Variants in MCTP2 observed in about 807,000 individuals in gnomAD.
MCTP2 encodes multiple C2 and transmembrane domain-containing protein 2.
In MCTP2, 132 loss-of-function variants were observed where a neutral mutation model predicts 111.6. The observed-to-expected ratio is 1.18, with a 90% CI of 1.03 to 1.37. The LOEUF (loss-of-function observed/expected upper bound fraction) is 1.37, where lower values mean the gene tolerates loss of function less well. Among genes scored for constraint, MCTP2 ranks in the 40% most tolerant of loss-of-function variants. MCTP2 has a pLI of 0.00. For synonymous variants in MCTP2, 395 were observed against 387.7 expected, an observed-to-expected ratio of 1.02 and a Z score of -0.22; for missense variants, 1,183 against 1,067.9, an observed-to-expected ratio of 1.11 and a Z score of -1.50.
chr15:94,312,603 TGAAC>T (rs1258584509), intron 2 of MCTP2, among the ~76,000 whole-genome samples: 1 of 152,202 alleles, frequency 6.6e-6, no homozygotes, highest in Admixed American at 6.5e-5. Flanking sequence ...TAACCTGAAC[TGAAC>T]ACAGTGTATT....
At chr15:94,407,214 T>G (rs1033138419) in intron 17 of MCTP2, among the ~76,000 whole-genome samples, 2 of 152,224 alleles carry the variant, frequency 1.3e-5, no homozygotes, top group African/African-American at 2.4e-5. Context: ...ATTTTTCATA[T>G]GTTAAAATAT....
At chr15:94,288,835 T>G (rs970193570) in intron 1 of MCTP2, among the ~76,000 whole-genome samples, 2 of 152,078 alleles carry the variant, frequency 1.3e-5, no homozygotes, top group African/African-American at 4.8e-5. Flanking sequence ...AAACCAGAAC[T>G]GAAAAATACA....
At chr15:94,288,755 G>A (rs2074886397) in intron 1 of MCTP2, among the ~76,000 whole-genome samples, 1 of 152,160 alleles carries the variant, frequency 6.6e-6, no homozygotes, top group African/African-American at 2.4e-5. Flanking sequence ...ATGCTCAAAT[G>A]AATAATCATG....
At chr15:94,236,894 C>A (rs544883621) in intron 1 of MCTP2, among the ~76,000 whole-genome samples, 2 of 151,982 alleles carry the variant, frequency 1.3e-5, no homozygotes, top group African/African-American at 4.8e-5. Context: ...AGTGGAGGTG[C>A]GGCAGGATTT....
At chr15:94,268,473 T>C (rs1225008610) in intron 1 of MCTP2, among the ~76,000 whole-genome samples, 1 of 152,134 alleles carries the variant, frequency 6.6e-6, no homozygotes, top group East Asian at 1.9e-4. Flanking sequence ...ACTACAGGCA[T>C]GAGCCACCGC....
At chr15:94,466,112 CTT>C (rs371504111) in intron 20 of MCTP2, among the ~76,000 whole-genome samples, 110 of 152,176 alleles carry the variant, frequency 7.2e-4, no homozygotes, top group African/African-American at 2.4e-3. Context: ...ATCAATTTTT[CTT>C]GTTTTTCATT....
intron 1 of MCTP2, chr15:94,273,735 A>G (rs2074036724): frequency 5.7e-6 from 1 of 176,592 alleles, no homozygotes; most frequent in South Asian, 1.4e-4. Context: ...GTCAAGGTGT[A>G]TCCATCATTT....
At chr15:94,321,281 A>G (rs561467498) in intron 4 of MCTP2, among the ~76,000 whole-genome samples, 1 of 152,346 alleles carries the variant, frequency 6.6e-6, no homozygotes, top group African/African-American at 2.4e-5. Flanking sequence ...TTTATTGTAT[A>G]TTTCAAAATA....
At chr15:94,378,560 C>T (rs1001336234) in intron 12 of MCTP2, among the ~76,000 whole-genome samples, 2 of 152,150 alleles carry the variant, frequency 1.3e-5, no homozygotes, top group African/African-American at 4.8e-5. Context: ...AGGAAACTTT[C>T]TTATGTCACT....
intron 20 of MCTP2, among the ~76,000 whole-genome samples, chr15:94,462,437 A>G (rs72751352): frequency 2.2e-4 from 34 of 152,328 alleles, no homozygotes; most frequent in Non-Finnish European, 4.4e-4. Context: ...TTGTTTTACA[A>G]AGTGTCTTGT....
intron 1 of MCTP2, among the ~76,000 whole-genome samples, chr15:94,277,001 C>T (rs187685662): frequency 2.6e-4 from 39 of 150,200 alleles, no homozygotes; most frequent in Non-Finnish European, 5.6e-4. Context: ...CAAAACTGTC[C>T]TCATTTGAAA....
intron 1 of MCTP2, among the ~76,000 whole-genome samples, chr15:94,244,066 G>C (rs2071447445): frequency 1.4e-5 from 2 of 145,294 alleles, no homozygotes; most frequent in Non-Finnish European, 3.0e-5. Context: ...ACATACATAT[G>C]TGTATATATT....
chr15:94,245,334 G>T (rs1241089173), intron 1 of MCTP2, among the ~76,000 whole-genome samples: 1 of 137,472 alleles, frequency 7.3e-6, no homozygotes, highest in Admixed American at 7.6e-5. Flanking sequence ...ACATACATAT[G>T]TGTAGATATT....
At chr15:94,271,514 T>C (rs1278733259) in intron 1 of MCTP2, among the ~76,000 whole-genome samples, 1 of 152,164 alleles carries the variant, frequency 6.6e-6, no homozygotes, top group Non-Finnish European at 1.5e-5. Context: ...GTGTAATTGC[T>C]CTTTGGATAG....
At chr15:94,349,747 G>C (rs2078197290) in intron 8 of MCTP2, among the ~76,000 whole-genome samples, 1 of 150,846 alleles carries the variant, frequency 6.6e-6, no homozygotes, top group Non-Finnish European at 1.5e-5. Context: ...GTGAACCTGG[G>C]AGGTGGAGCT....
intron 8 of MCTP2, among the ~76,000 whole-genome samples, chr15:94,354,013 TATA>T (rs55699358): frequency 0.45 from 67,256 of 150,378 alleles, 15,185 homozygotes; most frequent in Admixed American, 0.5. Context: ...TATTTTTATA[TATA>T]ATAATAACAA....
At chr15:94,407,324 C>T (rs555285986) in intron 17 of MCTP2, among the ~76,000 whole-genome samples, 8 of 152,086 alleles carry the variant, frequency 5.3e-5, no homozygotes, top group Non-Finnish European at 1.0e-4. Context: ...ATTTTTCCAC[C>T]GATATTTCAG....
At chr15:94,311,075 A>G (rs2076113470) in intron 2 of MCTP2, among the ~76,000 whole-genome samples, 1 of 138,128 alleles carries the variant, frequency 7.2e-6, no homozygotes, top group Admixed American at 7.7e-5. Flanking sequence ...CCCAGCCTGG[A>G]GTACAGTGAT....
intron 20 of MCTP2, among the ~76,000 whole-genome samples, chr15:94,464,257 TTATA>T (rs1555481313): frequency 0.047 from 2,093 of 44,772 alleles, 231 homozygotes; most frequent in African/African-American, 0.099. Context: ...TATATATATA[TTATA>T]TATATATATA....
Sources: gnomAD v4.1 joint callset for allele counts (sites outside exome capture counted in the v4.1 genomes callset) on GRCh38, gnomAD v4.1.1 for gene constraint, MANE v1.5 for transcripts, NCBI Gene and HGNC (gene_info 2026-07-23, HGNC 2026-07-21) for gene names.